Variants in SHISA6 observed in about 807,000 individuals in gnomAD.
SHISA6 encodes the protein protein shisa-6.
A neutral mutation model predicts 47.9 loss-of-function variants in SHISA6; 22 were observed. That is an observed-to-expected ratio of 0.46 (90% CI 0.33 to 0.66). The LOEUF (loss-of-function observed/expected upper bound fraction) is 0.66. Among genes scored for constraint, SHISA6 ranks in the 30% least tolerant of loss-of-function variants. The pLI, the probability that SHISA6 is intolerant of heterozygous loss-of-function variation, is 0.02. For missense variants in SHISA6, 680 were observed against 764.6 expected (o/e 0.89, Z 1.30); for synonymous variants, 388 against 337.8 (o/e 1.15, Z -1.63).
At chr17:11,409,310 T>C (rs1914047852) in intron 3 of SHISA6, among the ~76,000 whole-genome samples, 1 of 152,154 alleles carries the variant, frequency 6.6e-6, no homozygotes, top group East Asian at 1.9e-4. Context: ...CCCCCCAAAA[T>C]TGGGGTATGG....
At chr17:11,313,857 G>A (rs188986729) in intron 2 of SHISA6, among the ~76,000 whole-genome samples, 1 of 152,272 alleles carries the variant, frequency 6.6e-6, no homozygotes, top group East Asian at 1.9e-4. Flanking sequence ...GAGAGAGAGA[G>A]AGAGAAGGAC....
At chr17:11,293,017 G>T (rs1379968987) in intron 2 of SHISA6, among the ~76,000 whole-genome samples, 3 of 151,882 alleles carry the variant, frequency 2.0e-5, no homozygotes, top group Non-Finnish European at 2.9e-5. Flanking sequence ...TAGAGACGGG[G>T]TTTCTCCATG....
At chr17:11,405,911 G>A (rs1913940623) in intron 3 of SHISA6, among the ~76,000 whole-genome samples, 1 of 152,100 alleles carries the variant, frequency 6.6e-6, no homozygotes, top group Non-Finnish European at 1.5e-5. Flanking sequence ...CCCAACCACA[G>A]GCCTGCTACC....
At chr17:11,275,276 G>A (rs969475862) in intron 2 of SHISA6, among the ~76,000 whole-genome samples, 1 of 152,018 alleles carries the variant, frequency 6.6e-6, no homozygotes, top group African/African-American at 2.4e-5. Flanking sequence ...GTGGGAATGG[G>A]GCAAGGTTGG....
At chr17:11,268,136 A>C (rs140102530) in intron 2 of SHISA6, among the ~76,000 whole-genome samples, 28 of 152,298 alleles carry the variant, frequency 1.8e-4, no homozygotes, top group Non-Finnish European at 3.5e-4. Flanking sequence ...GTCCAACTTC[A>C]CTTTATCAAG....
intron 3 of SHISA6, among the ~76,000 whole-genome samples, chr17:11,487,438 G>A (rs890565593): frequency 2.0e-5 from 3 of 152,288 alleles, no homozygotes; most frequent in Non-Finnish European, 4.4e-5. Context: ...TGTTCCCAGA[G>A]AATGTTGTGG....
At chr17:11,365,178 CATTATT>C (rs985285795) in intron 2 of SHISA6, among the ~76,000 whole-genome samples, 9 of 152,032 alleles carry the variant, frequency 5.9e-5, no homozygotes, top group African/African-American at 1.9e-4. Flanking sequence ...CTGTTATTAT[CATTATT>C]ATTATTACTA....
At chr17:11,496,490 A>G (rs1009142407) in intron 3 of SHISA6, among the ~76,000 whole-genome samples, 1 of 152,204 alleles carries the variant, frequency 6.6e-6, no homozygotes, top group South Asian at 2.1e-4. Context: ...CTGTAATCCC[A>G]ACACTTTGGG....
chr17:11,389,152 G>GAGA (rs1913304984), intron 3 of SHISA6, among the ~76,000 whole-genome samples: 1 of 152,058 alleles, frequency 6.6e-6, no homozygotes, highest in African/African-American at 2.4e-5. Context: ...CCACCTCTAA[G>GAGA]GTAGCACCAC....
chr17:11,549,636 G>C (rs2071913260), intron 3 of SHISA6, among the ~76,000 whole-genome samples: 1 of 152,122 alleles, frequency 6.6e-6, no homozygotes, highest in Admixed American at 6.5e-5. Context: ...AAGTGAATCT[G>C]AGTCATAAAT....
At chr17:11,330,879 G>A (rs1040211888) in intron 2 of SHISA6, among the ~76,000 whole-genome samples, 7 of 152,160 alleles carry the variant, frequency 4.6e-5, no homozygotes, top group African/African-American at 7.2e-5. Context: ...CTGAGTGCTC[G>A]TGAGCCAGGA....
At chr17:11,495,461 AGCCCAT>A (rs1479467637) in intron 3 of SHISA6, among the ~76,000 whole-genome samples, 1 of 152,212 alleles carries the variant, frequency 6.6e-6, no homozygotes, top group African/African-American at 2.4e-5. Flanking sequence ...AGAGGAGGCC[AGCCCAT>A]GCAGAGGGGC....
At chr17:11,545,808 C>A (rs1239812196) in intron 3 of SHISA6, among the ~76,000 whole-genome samples, 2 of 152,218 alleles carry the variant, frequency 1.3e-5, no homozygotes, top group Admixed American at 6.5e-5. Context: ...CTGGGAATAT[C>A]AGCCCTTTCA....
chr17:11,482,307 A>G (rs1916241285), intron 3 of SHISA6, among the ~76,000 whole-genome samples: 1 of 152,272 alleles, frequency 6.6e-6, no homozygotes, highest in Non-Finnish European at 1.5e-5. Flanking sequence ...AAATAAAGTT[A>G]TCTACAAAGG....
chr17:11,338,677 A>C (rs1215493960), intron 2 of SHISA6, among the ~76,000 whole-genome samples: 1 of 151,926 alleles, frequency 6.6e-6, no homozygotes, highest in African/African-American at 2.4e-5. Flanking sequence ...CAGCCTCCCA[A>C]AGTGCTGGCA....
intron 3 of SHISA6, among the ~76,000 whole-genome samples, chr17:11,514,448 C>T (rs2071566135): frequency 6.6e-6 from 1 of 152,150 alleles, no homozygotes; most frequent in Admixed American, 6.5e-5. Flanking sequence ...AATTCTAAGT[C>T]AATCCTTCTT....
At chr17:11,411,292 C>T (rs1302316104) in intron 3 of SHISA6, among the ~76,000 whole-genome samples, 1 of 151,548 alleles carries the variant, frequency 6.6e-6, no homozygotes, top group Non-Finnish European at 1.5e-5. Context: ...TCAGCCTCTC[C>T]CACTCTTGAT....
At chr17:11,326,967 T>A (rs1910916481) in intron 2 of SHISA6, among the ~76,000 whole-genome samples, 1 of 152,212 alleles carries the variant, frequency 6.6e-6, no homozygotes, top group Non-Finnish European at 1.5e-5. Context: ...ACAAAGGACA[T>A]CTTTAATGTC....
chr17:11,302,863 G>A (rs1174926029), intron 2 of SHISA6, among the ~76,000 whole-genome samples: 1 of 152,082 alleles, frequency 6.6e-6, no homozygotes, highest in Admixed American at 6.5e-5. Context: ...GAGTCATCCA[G>A]GTGGAGAGGA....
Sources: allele counts gnomAD v4.1 joint callset (sites outside exome capture counted in the v4.1 genomes callset), GRCh38; gene constraint gnomAD v4.1.1; transcripts MANE v1.5; gene names NCBI Gene and HGNC (gene_info 2026-07-23, HGNC 2026-07-21).